CEP68: variants seen among roughly 807,000 people sequenced by gnomAD.
CEP68 encodes centrosomal protein 68, also known as centrosomal protein of 68 kDa.
A neutral mutation model predicts 55.3 loss-of-function variants in CEP68; 26 were observed. The ratio of observed to expected loss-of-function variants is 0.47; its 90% CI spans 0.34 to 0.65. The LOEUF (loss-of-function observed/expected upper bound fraction) is 0.65, where lower values mean the gene tolerates loss of function less well. Ranked by LOEUF, CEP68 falls within the 30% of genes least tolerant of loss-of-function variation. The pLI, the probability that CEP68 is intolerant of heterozygous loss-of-function variation, is 0.01. For synonymous variants in CEP68, 402 were observed against 383.2 expected, an observed-to-expected ratio of 1.05 and a Z score of -0.57; for missense variants, 957 against 946.7, an observed-to-expected ratio of 1.01 and a Z score of -0.14.
Position 65,072,996 on chromosome 2 carries a change from G to T in CEP68, c.1884+16G>T. On this transcript the variant is annotated intron_variant, in intron 3 of 6. Transcript: ENST00000377990. ...ATGTGTGAAGGTAATGACACTCAAC[G>T]TTAGGAAGCTTTGTGTACAGGTGTC... 5 of 1,613,708 alleles carry T rather than the reference G, an allele frequency of 3.1e-6. No homozygotes were observed. Among genetic ancestry groups the T allele is most frequent in the Non-Finnish European group, 2.5e-6 (3 of 1,179,624 alleles).
intron 1 of CEP68, among the ~76,000 whole-genome samples, chr2:65,065,279 T>C (rs1423742828): frequency 6.6e-6 from 1 of 152,258 alleles, no homozygotes; most frequent in East Asian, 1.9e-4. Context: ...CAAATGTGTG[T>C]GCATAGTGAC....
intron 4 of CEP68, among the ~76,000 whole-genome samples, chr2:65,077,240 C>T (rs868091902): frequency 5.9e-5 from 9 of 152,090 alleles, no homozygotes; most frequent in South Asian, 2.1e-4. Flanking sequence ...TCAGGTGATC[C>T]GCCCACCTTG....
At position 65,071,953 on chromosome 2, in the gene CEP68, C is replaced by T. The variant is rs753954264; in HGVS notation, c.857C>T (p.Pro286Leu). 6.2e-7 allele frequency: 1 copy of T among 1,613,008 alleles called. No individual in the cohort carries two copies. The highest frequency in any genetic ancestry group is 8.5e-7 in the Non-Finnish European group (1 of 1,179,998). The change falls in exon 3 of 7, where the codon CCC (proline) becomes CTC (leucine). Residue 286 changes from proline (P) to leucine (L), a missense_variant. Coordinates refer to ENST00000377990, the MANE Select transcript of CEP68 (RefSeq NM_015147.3). Reference protein sequence around the residue: ...CVLPDSLPPSPDRHSPLWNPN... With the variant: ...CVLPDSLPPSLDRHSPLWNPN... ...CTGCCAGATTCCCTGCCTCCATCAC[C>T]CGACCGCCACTCCCCTCTCTGGAAC... is the stretch of plus-strand genomic sequence containing the variant.
At position 65,069,820 on chromosome 2, in the gene CEP68, C is replaced by T. The variant is rs770517220; in HGVS notation, c.357+19C>T. 6.3e-7 allele frequency: 1 copy of T among 1,591,678 alleles called. No individual in the cohort carries two copies. The highest frequency in any genetic ancestry group is 8.6e-7 in the Non-Finnish European group (1 of 1,160,410). On this transcript the variant is annotated intron_variant, in intron 2 of 6. Coordinates refer to ENST00000377990, the MANE Select transcript of CEP68 (RefSeq NM_015147.3). ...AAGCCAGGTAGGTACTAAGGCAAGA[C>T]TGTAGATGGACCCATTGCTGTCCTT... is the stretch of plus-strand genomic sequence containing the variant.
intron 1 of CEP68, among the ~76,000 whole-genome samples, chr2:65,059,400 C>T (rs892517376): frequency 6.6e-6 from 1 of 152,184 alleles, no homozygotes; most frequent in African/African-American, 2.4e-5. Flanking sequence ...ATACCTTTCC[C>T]CTCCTCACTT....
chr2:65,058,032 A>C (rs1675725962), intron 1 of CEP68, among the ~76,000 whole-genome samples: 1 of 152,242 alleles, frequency 6.6e-6, no homozygotes, highest in African/African-American at 2.4e-5. Context: ...TTAGGATTAA[A>C]TAAGATATTG....
intron 1 of CEP68, among the ~76,000 whole-genome samples, chr2:65,064,746 A>AAG (rs1558556167): frequency 6.6e-6 from 1 of 151,986 alleles, no homozygotes; most frequent in Non-Finnish European, 1.5e-5. Context: ...AAAAAAAAAA[A>AAG]AAAAGAAATG....
intron 1 of CEP68, among the ~76,000 whole-genome samples, chr2:65,066,726 C>CAAAAAA (rs869096839): frequency 9.3e-5 from 4 of 43,234 alleles, no homozygotes; most frequent in Non-Finnish European, 1.3e-4. Flanking sequence ...GACTCTGTCT[C>CAAAAAA]AAAAAAAAAA....
intron 1 of CEP68, among the ~76,000 whole-genome samples, chr2:65,058,103 A>T (rs1401397585): frequency 2.5e-4 from 38 of 152,014 alleles, no homozygotes; most frequent in Admixed American, 2.4e-3. Flanking sequence ...GTTAGCTGTT[A>T]GCAGTCGTTA....
At chr2:65,061,503 C>T (rs770691281) in intron 1 of CEP68, among the ~76,000 whole-genome samples, 3 of 152,270 alleles carry the variant, frequency 2.0e-5, no homozygotes, top group African/African-American at 4.8e-5. Flanking sequence ...GGCCAAGCCA[C>T]AGCAGACACA....
intron 1 of CEP68, among the ~76,000 whole-genome samples, chr2:65,067,414 A>G (rs1413609076): frequency 6.6e-6 from 1 of 152,184 alleles, no homozygotes; most frequent in Non-Finnish European, 1.5e-5. Flanking sequence ...AAGGATGAAC[A>G]TAGATATTTG....
At chr2:65,076,244 GC>G (rs1676751459) in intron 4 of CEP68, among the ~76,000 whole-genome samples, 1 of 152,194 alleles carries the variant, frequency 6.6e-6, no homozygotes, top group Admixed American at 6.5e-5. Context: ...AGAGGAAGCT[GC>G]CCTGGTAGAC....
At chr2:65,083,381 G>C (rs974967351) in intron 6 of CEP68, among the ~76,000 whole-genome samples, 1 of 152,222 alleles carries the variant, frequency 6.6e-6, no homozygotes, top group Non-Finnish European at 1.5e-5. Context: ...CCACCACAGA[G>C]TTGCTACTGC....
intron 1 of CEP68, among the ~76,000 whole-genome samples, chr2:65,057,923 T>C (rs1354471796): frequency 6.6e-6 from 1 of 151,938 alleles, no homozygotes; most frequent in Non-Finnish European, 1.5e-5. Context: ...CCCAGAGTGC[T>C]GGGATTACAG....
At chr2:65,064,284 A>C (rs1417987099) in intron 1 of CEP68, among the ~76,000 whole-genome samples, 1 of 152,200 alleles carries the variant, frequency 6.6e-6, no homozygotes, top group Non-Finnish European at 1.5e-5. Flanking sequence ...AATGAGGTCC[A>C]GACAAGATGA....
rs374313300 is a variant in CEP68 at position 65,072,756 on chromosome 2, C to A, written c.1660C>A (p.Gln554Lys). The change falls in exon 3 of 7, where the codon CAG (glutamine) becomes AAG (lysine). Residue 554 changes from glutamine (Q) to lysine (K), a missense_variant. By Grantham distance (53) the Gln-to-Lys change is moderately conservative. Transcript: ENST00000377990. The stretch of plus-strand genomic sequence containing the variant: ...CCAAGGATCTGGGGATCCTGAGGGC[C>A]AGAATCCCTGTTTCCTGCGCTCCTT... ...ALQGSGDPEG[Q>K]NPCFLRSFVR... 3 of 1,614,114 alleles carry A rather than the reference C, an allele frequency of 1.9e-6. No individual in the cohort carries two copies. Among genetic ancestry groups the A allele is most frequent in the Non-Finnish European group, 2.5e-6 (3 of 1,180,030 alleles).
At chr2:65,081,737 GC>G (rs1286167836) in intron 5 of CEP68, among the ~76,000 whole-genome samples, 3 of 152,114 alleles carry the variant, frequency 2.0e-5, no homozygotes, top group Non-Finnish European at 4.4e-5. Flanking sequence ...CACTCTTGTT[GC>G]CCAGGCTGGA....
intron 1 of CEP68, among the ~76,000 whole-genome samples, chr2:65,065,605 CTA>C (rs1676126581): frequency 1.3e-5 from 2 of 152,150 alleles, no homozygotes; most frequent in African/African-American, 4.8e-5. Context: ...TAAGTAAAGA[CTA>C]AAACACTTTT....
chr2:65,057,051 G>A (rs1256453287), intron 1 of CEP68, among the ~76,000 whole-genome samples: 2 of 152,120 alleles, frequency 1.3e-5, no homozygotes, highest in Admixed American at 1.3e-4. Context: ...AAAAAATCAA[G>A]ATGTCTCATT....
Sources: allele counts gnomAD v4.1 joint callset (sites outside exome capture counted in the v4.1 genomes callset), GRCh38; gene constraint gnomAD v4.1.1; transcripts MANE v1.5; gene names NCBI Gene and HGNC (gene_info 2026-07-23, HGNC 2026-07-21).